SCEL: variants seen among roughly 807,000 people sequenced by gnomAD.
The protein encoded by SCEL is sciellin.
In SCEL, 113 loss-of-function variants were observed where a neutral mutation model predicts 117.6. The observed-to-expected ratio is 0.96, with a 90% CI of 0.83 to 1.12. The LOEUF (loss-of-function observed/expected upper bound fraction) is 1.12. Among genes scored for constraint, SCEL ranks in the 50% most tolerant of loss-of-function variants. The pLI, the probability that SCEL is intolerant of heterozygous loss-of-function variation, is 0.00. For missense variants in SCEL, 785 were observed against 810.8 expected (o/e 0.97, Z 0.39); for synonymous variants, 270 against 256.2 (o/e 1.05, Z -0.51).
At chr13:77,606,190 C>T (rs758619506) in intron 19 of SCEL, among the ~76,000 whole-genome samples, 8 of 152,052 alleles carry the variant, frequency 5.3e-5, no homozygotes, top group Non-Finnish European at 7.4e-5. Flanking sequence ...CATGTGTGTA[C>T]GTTGTGCATG....
chr13:77,603,239 A>T, intron 18 of SCEL, 104 bp downstream of exon 18: 2 of 598,936 alleles, frequency 3.3e-6, no homozygotes, highest in Non-Finnish European at 5.6e-6. Context: ...TTAGCATGGA[A>T]TTAGACAATA....
chr13:77,630,507 G>A (rs1489968816), intron 28 of SCEL, among the ~76,000 whole-genome samples: 1 of 152,156 alleles, frequency 6.6e-6, no homozygotes, highest in African/African-American at 2.4e-5. Context: ...TCATATATGA[G>A]TTTTTGTGTG....
At chr13:77,570,805 G>A (rs555161172) in intron 8 of SCEL, among the ~76,000 whole-genome samples, 71 of 152,150 alleles carry the variant, frequency 4.7e-4, no homozygotes, top group African/African-American at 1.4e-3. Flanking sequence ...ATTCACTTAC[G>A]CTTTCAATAT....
At chr13:77,564,899 T>A (rs1432298134) in intron 5 of SCEL, among the ~76,000 whole-genome samples, 1 of 152,220 alleles carries the variant, frequency 6.6e-6, no homozygotes, top group Admixed American at 6.5e-5. Context: ...GTCTTTCTCT[T>A]TTAAAAATTA....
chr13:77,619,400 C>T (rs1452162861), intron 27 of SCEL, among the ~76,000 whole-genome samples: 2 of 152,152 alleles, frequency 1.3e-5, no homozygotes, highest in Admixed American at 6.5e-5. Context: ...ATAACCTTTT[C>T]AAGAAAGAAA....
At chr13:77,557,491 A>T (rs2084729334) in intron 3 of SCEL, among the ~76,000 whole-genome samples, 1 of 152,242 alleles carries the variant, frequency 6.6e-6, no homozygotes, top group Non-Finnish European at 1.5e-5. Context: ...TTACAATAAA[A>T]CACAACGTAG....
At chr13:77,629,609 CCACT>C in intron 28 of SCEL, among the ~76,000 whole-genome samples, 1 of 152,246 alleles carries the variant, frequency 6.6e-6, no homozygotes, top group East Asian at 1.9e-4. Flanking sequence ...GGGGAAAGTT[CCACT>C]TTGCCCTCTG....
chr13:77,587,042 T>C (rs1009063206), intron 9 of SCEL, among the ~76,000 whole-genome samples: 1 of 151,992 alleles, frequency 6.6e-6, no homozygotes, highest in African/African-American at 2.4e-5. Flanking sequence ...CTTACTCTTC[T>C]GCTTGCCTAG....
At chr13:77,550,594 T>C (rs1207222440) in intron 1 of SCEL, among the ~76,000 whole-genome samples, 1 of 152,036 alleles carries the variant, frequency 6.6e-6, no homozygotes, top group Non-Finnish European at 1.5e-5. Flanking sequence ...TTCTGTACAT[T>C]TCATATCAAT....
At chr13:77,604,176 A>G (rs2087935395) in intron 18 of SCEL, 180 bp from the exon 19 acceptor site, 1 of 437,158 alleles carries the variant, frequency 2.3e-6, no homozygotes, top group African/African-American at 2.1e-5. Context: ...AATAAGCAAC[A>G]TTAAATGGTC....
chr13:77,593,536 G>A lies in SCEL; in HGVS notation c.715G>A (p.Val239Ile), dbSNP rs373741877. 26 of 1,612,794 alleles carry A rather than the reference G, an allele frequency of 1.6e-5. No individual in the cohort carries two copies. The highest frequency in any genetic ancestry group is 8.9e-5 in the East Asian group (4 of 44,820). ...NIRSQDLDNI[V>I]KVATSLQRSD... is the part of the protein sequence containing the mutation. The stretch of plus-strand genomic sequence containing the variant: ...AAGGAGTCAGGATCTTGATAACATC[G>A]TCAAAGTGGCCACTTCACTTCAGAG... The change falls in exon 12 of 33, where the codon GTC (valine) becomes ATC (isoleucine). Residue 239 changes from valine to isoleucine, a missense_variant. Val to Ile is a conservative substitution (Grantham distance 29). Transcript: ENST00000349847.
intron 24 of SCEL, among the ~76,000 whole-genome samples, chr13:77,615,966 A>G (rs1219764157): frequency 6.6e-6 from 1 of 150,988 alleles, no homozygotes; most frequent in Non-Finnish European, 1.5e-5. Context: ...GAGAGTTCTT[A>G]GGTAGTAAGA....
intron 1 of SCEL, among the ~76,000 whole-genome samples, chr13:77,541,287 A>G (rs2083687923): frequency 6.6e-6 from 1 of 152,216 alleles, no homozygotes; most frequent in South Asian, 2.1e-4. Context: ...GTAAAACAAA[A>G]TGATTCTACT....
intron 4 of SCEL, among the ~76,000 whole-genome samples, chr13:77,561,702 G>A (rs995325423): frequency 1.3e-5 from 2 of 152,142 alleles, no homozygotes; most frequent in Admixed American, 6.5e-5. Flanking sequence ...AGTTTATCAC[G>A]GAAAGTGCTA....
intron 9 of SCEL, among the ~76,000 whole-genome samples, chr13:77,576,123 C>T (rs752181694): frequency 1.1e-4 from 16 of 152,164 alleles, no homozygotes; most frequent in South Asian, 6.2e-4. Context: ...CCAACATTCT[C>T]GGAAGAGTTG....
At chr13:77,614,238 T>C (rs201532026) in intron 24 of SCEL, among the ~76,000 whole-genome samples, 3 of 152,226 alleles carry the variant, frequency 2.0e-5, no homozygotes, top group East Asian at 3.9e-4. Context: ...GCTGCTGCTG[T>C]TTTGTTTTGT....
intron 5 of SCEL, among the ~76,000 whole-genome samples, chr13:77,564,598 C>A (rs1357728539): frequency 1.3e-5 from 2 of 152,152 alleles, no homozygotes. Flanking sequence ...AAGTTAGCAT[C>A]TTTAATAGGA....
chr13:77,603,816 A>T (rs1236380452), intron 18 of SCEL, among the ~76,000 whole-genome samples: 5 of 152,164 alleles, frequency 3.3e-5, no homozygotes, highest in Admixed American at 3.3e-4. Flanking sequence ...GAAGGAAATG[A>T]TATTTAAAAG....
intron 17 of SCEL, 65 bp downstream of exon 17, chr13:77,602,778 A>T (rs537190702): frequency 3.6e-6 from 5 of 1,372,624 alleles, no homozygotes; most frequent in Non-Finnish European, 5.2e-6. Flanking sequence ...TGTGATATTG[A>T]GGGCACCACA....
Sources: gnomAD v4.1 joint callset for allele counts (sites outside exome capture counted in the v4.1 genomes callset) on GRCh38, gnomAD v4.1.1 for gene constraint, MANE v1.5 for transcripts, NCBI Gene and HGNC (gene_info 2026-07-23, HGNC 2026-07-21) for gene names.